DOP1B: variants seen among roughly 807,000 people sequenced by gnomAD.
The protein encoded by DOP1B is DOP1 leucine zipper like protein B.
In DOP1B, 174 loss-of-function variants were observed where a neutral mutation model predicts 233.5. That is an observed-to-expected ratio of 0.75 (90% CI 0.66 to 0.85). The LOEUF is 0.85. Among genes scored for constraint, DOP1B ranks in the 40% least tolerant of loss-of-function variants. DOP1B has a pLI of 0.00. For synonymous variants in DOP1B, 1,190 were observed against 1,185.6 expected, an observed-to-expected ratio of 1.00 and a Z score of -0.08; for missense variants, 2,652 against 2,846.6, an observed-to-expected ratio of 0.93 and a Z score of 1.56.
intron 32 of DOP1B, 29 bp downstream of exon 32, chr21:36,281,640 G>T (rs768171907): frequency 2.0e-6 from 3 of 1,526,600 alleles, no homozygotes; most frequent in South Asian, 2.5e-5. Context: ...TCTGTTTTTT[G>T]CTGCTATAAC....
At chr21:36,217,830 C>T (rs995768222) in intron 9 of DOP1B, among the ~76,000 whole-genome samples, 1 of 152,142 alleles carries the variant, frequency 6.6e-6, no homozygotes, top group African/African-American at 2.4e-5. Flanking sequence ...TGGGAGCTTG[C>T]TGTGTAACTT....
At position 36,245,553 on chromosome 21, in the gene DOP1B, G is replaced by T. The variant is rs141535910; in HGVS notation, c.3573G>T (p.Ser1191=). Residue 1191 remains serine (S), a synonymous_variant, in exon 19 of 37, where the codon TCG becomes TCT. Coordinates refer to ENST00000691173, the MANE Select transcript of DOP1B (RefSeq NM_001320714.2). This position sits in a 1 kb window ranked among gnomAD's most constrained non-coding sequence, Gnocchi z 5.5. ...CGGACAAGACGCAGGCTTCTGAGTC[G>T]TTCTCCAGCGACGAGGAGGCGGACT... ...VDSDKTQASE[S]FSSDEEADLE... 9.3e-6 allele frequency: 15 copies of T among 1,613,440 alleles called. No homozygotes were observed. In the South Asian group the frequency reaches 1.6e-4, roughly 18 times the overall value.
intron 2 of DOP1B, among the ~76,000 whole-genome samples, chr21:36,185,678 GAATAA>G (rs932479868): frequency 6.6e-6 from 1 of 152,156 alleles, no homozygotes; most frequent in African/African-American, 2.4e-5. Context: ...CATCGCAAAA[GAATAA>G]AATATAAGTC....
Position 36,239,954 on chromosome 21 carries a change from C to A in DOP1B, c.3066C>A (p.Ala1022=), listed in dbSNP as rs546032271. The A allele has an allele frequency of 1.9e-6, 3 of 1,607,602 alleles. No homozygotes were observed. Among genetic ancestry groups the A allele is most frequent in the African/African-American group, 1.3e-5 (1 of 74,810 alleles). Residue 1022 remains alanine (A), a splice_region_variant and synonymous_variant, in exon 18 of 37, where the codon GCC becomes GCA. Coordinates refer to ENST00000691173, the MANE Select transcript of DOP1B (RefSeq NM_001320714.2). ...SIHCLKQENS[A]DDLHRWFNRK... ...ACTGCCTCAAGCAGGAGAACTCGGCCGGTGAGCAGCCTGCACAGGACCCGA... is the reference window on the plus strand; with the variant it reads ...ACTGCCTCAAGCAGGAGAACTCGGCAGGTGAGCAGCCTGCACAGGACCCGA...
intron 1 of DOP1B, among the ~76,000 whole-genome samples, chr21:36,160,820 T>TAAAC (rs1209971458): frequency 6.6e-6 from 1 of 152,144 alleles, no homozygotes; most frequent in Non-Finnish European, 1.5e-5. Flanking sequence ...ATGGCAGTTG[T>TAAAC]ATGCATTGTT....
In DOP1B at chr21:36,240,091, C is replaced by G. The variant is rs1262813726; in HGVS notation, c.3067+136C>G. 1.0e-4 allele frequency: 112 copies of G among 1,074,114 alleles called. No individual in the cohort carries two copies. The Admixed American group carries it at 3.3e-3, about 32-fold the overall frequency. The allele number at this position is 1,074,114 out of a possible 1,614,324, so 66.5% of individuals were successfully genotyped here. A position where few individuals can be genotyped will look rare whatever the true frequency, so the allele number is the denominator to read the frequency against. On this transcript the variant is annotated intron_variant, in intron 18 of 36. Transcript: ENST00000691173. ...AATGGTACTTTGTAAATTGTGAGGA[C>G]TTCGGCAATTTAAGGACCTAGTGAT...
intron 23 of DOP1B, among the ~76,000 whole-genome samples, chr21:36,254,629 T>C (rs1199273573): frequency 6.6e-6 from 1 of 152,168 alleles, no homozygotes; most frequent in East Asian, 1.9e-4. Context: ...GAGAAACACA[T>C]TCCTAGGTTG....
rs150305493 is a variant in DOP1B, at chr21:36,246,077, C to T, written c.4097C>T (p.Ser1366Leu). The change falls in exon 19 of 37, where the codon TCG becomes TTG. Residue 1366 changes from serine to leucine, a missense_variant. Physicochemically the swap from Ser to Leu is moderately radical, Grantham distance 145. Transcript: ENST00000691173. The surrounding 1 kb of genome is among the most constrained non-coding windows in gnomAD (Gnocchi z 5.1). Reference protein sequence around the residue: ...MMQLVSVAKSSEGKNVEFIHS... With the variant: ...MMQLVSVAKSLEGKNVEFIHS... ...CAGCTGGTCTCAGTGGCCAAGTCTT[C>T]GGAAGGGAAGAACGTGGAGTTCATC... The T allele has an allele frequency of 6.2e-6, 10 of 1,614,066 alleles. No homozygotes were observed. The Admixed American group carries it at 8.3e-5, about 13-fold the overall frequency.
chr21:36,169,374 C>A, intron 2 of DOP1B: 1 of 823,602 alleles, frequency 1.2e-6, no homozygotes, highest in South Asian at 1.3e-5. Flanking sequence ...CCTTTCTGCC[C>A]AGCACATGCC....
In DOP1B at chr21:36,263,755, A is replaced by C. The variant is rs756727667; in HGVS notation, c.5428A>C (p.Asn1810His). 1 of 1,614,072 alleles carries C rather than the reference A, an allele frequency of 6.2e-7. No individual in the cohort carries two copies. Among genetic ancestry groups the C allele is most frequent in the Non-Finnish European group, 8.5e-7 (1 of 1,180,050 alleles). ...PGYFLLLSML[N>H]DFVTRTPNLE... ...CTGATTGTCTCCCAACAGCATGCTGAATGACTTTGTAACAAGAACTCCCAA... is the reference window on the plus strand; with the variant it reads ...CTGATTGTCTCCCAACAGCATGCTGCATGACTTTGTAACAAGAACTCCCAA... Residue 1810 changes from asparagine (N) to histidine (H), a missense_variant, in exon 26 of 37, where the codon AAT becomes CAT. Transcript: ENST00000691173.
At chr21:36,172,944 C>A (rs1195316080) in intron 2 of DOP1B, among the ~76,000 whole-genome samples, 1 of 151,984 alleles carries the variant, frequency 6.6e-6, no homozygotes, top group African/African-American at 2.4e-5. Flanking sequence ...CATGGTGAAA[C>A]CCTGTCTCTA....
At chr21:36,191,686 G>A (rs771818086) in intron 2 of DOP1B, among the ~76,000 whole-genome samples, 2 of 151,812 alleles carry the variant, frequency 1.3e-5, no homozygotes, top group African/African-American at 2.4e-5. Flanking sequence ...CTTGGGAGGC[G>A]GAGGCAGGAG....
Sources: allele counts gnomAD v4.1 joint callset (sites outside exome capture counted in the v4.1 genomes callset), GRCh38; gene constraint gnomAD v4.1.1; non-coding constraint Gnocchi (gnomAD v3.1); transcripts MANE v1.5; gene names NCBI Gene and HGNC (gene_info 2026-07-23, HGNC 2026-07-21).